The following ADAMTS12 variants were observed in gnomAD, a reference collection of about 807,000 sequenced individuals.
ADAMTS12 encodes the protein ADAM metallopeptidase with thrombospondin type 1 motif 12, also known as A disintegrin and metalloproteinase with thrombospondin motifs 12.
ADAMTS12 carries 118 observed loss-of-function variants against 167.8 expected under a neutral mutation model. The ratio of observed to expected loss-of-function variants is 0.70; its 90% CI spans 0.61 to 0.82. ADAMTS12 has a LOEUF of 0.82. Among genes scored for constraint, ADAMTS12 ranks in the 40% least tolerant of loss-of-function variants. The pLI is 0.00. For missense variants in ADAMTS12, 1,916 were observed against 1,998.8 expected (o/e 0.96, Z 0.79); for synonymous variants, 704 against 716.9 (o/e 0.98, Z 0.29).
chr5:33,792,724 T>C (rs1746624164), intron 2 of ADAMTS12, among the ~76,000 whole-genome samples: 2 of 152,198 alleles, frequency 1.3e-5, no homozygotes, highest in Non-Finnish European at 2.9e-5. Context: ...AAGAAGATAG[T>C]ATCCTTGAAA....
At chr5:33,555,048 C>A (rs1745427292) in intron 20 of ADAMTS12, among the ~76,000 whole-genome samples, 1 of 152,196 alleles carries the variant, frequency 6.6e-6, no homozygotes, top group Non-Finnish European at 1.5e-5. Context: ...GGGCAATGTT[C>A]ATTCTAACTG....
At chr5:33,747,410 T>C (rs1165246901) in intron 3 of ADAMTS12, among the ~76,000 whole-genome samples, 1 of 151,878 alleles carries the variant, frequency 6.6e-6, no homozygotes, top group Non-Finnish European at 1.5e-5. Context: ...AAAGTGAGAA[T>C]GCCAAGTACT....
intron 19 of ADAMTS12, among the ~76,000 whole-genome samples, chr5:33,575,120 T>C (rs528425558): frequency 6.6e-6 from 1 of 152,340 alleles, no homozygotes; most frequent in African/African-American, 2.4e-5. Flanking sequence ...GCTTATTTTC[T>C]TCTTCCTCTA....
At chr5:33,643,242 C>A in intron 10 of ADAMTS12, 136 bp downstream of exon 10, 2 of 803,928 alleles carry the variant, frequency 2.5e-6, no homozygotes, top group Non-Finnish European at 2.0e-6. Flanking sequence ...GTGATCTCCT[C>A]TGGCTGGTCT....
chr5:33,669,710 A>G (rs1396439033), intron 5 of ADAMTS12, among the ~76,000 whole-genome samples: 1 of 152,130 alleles, frequency 6.6e-6, no homozygotes, highest in African/African-American at 2.4e-5. Flanking sequence ...ATTTAAATCC[A>G]GATAATAAAG....
At chr5:33,747,518 A>C (rs1011584661) in intron 3 of ADAMTS12, among the ~76,000 whole-genome samples, 1 of 152,176 alleles carries the variant, frequency 6.6e-6, no homozygotes, top group Admixed American at 6.5e-5. Flanking sequence ...ATTGGTTACT[A>C]ATTTCATTCC....
chr5:33,581,028 G>C (rs1405587528), intron 18 of ADAMTS12, among the ~76,000 whole-genome samples: 2 of 152,186 alleles, frequency 1.3e-5, no homozygotes, highest in Non-Finnish European at 2.9e-5. Flanking sequence ...AGTATTAGCT[G>C]TCTACCAAGC....
intron 5 of ADAMTS12, among the ~76,000 whole-genome samples, chr5:33,681,176 C>T (rs28734991): frequency 0.053 from 8,031 of 152,218 alleles, 441 homozygotes; most frequent in East Asian, 0.17. Flanking sequence ...TATTCCAAGA[C>T]ACCCAAAGTA....
intron 2 of ADAMTS12, among the ~76,000 whole-genome samples, chr5:33,822,346 G>C (rs1032797855): frequency 6.6e-6 from 1 of 152,156 alleles, no homozygotes; most frequent in African/African-American, 2.4e-5. Flanking sequence ...TGGACACAGA[G>C]CATGCAAGCA....
At chr5:33,654,874 T>TTGTGTGTGTG (rs34219097) in intron 7 of ADAMTS12, among the ~76,000 whole-genome samples, 4,984 of 141,568 alleles carry the variant, frequency 0.035, 210 homozygotes, top group South Asian at 0.21. Flanking sequence ...GTGGGTGATT[T>TTGTGTGTGTG]TGTGTGTGTG....
intron 2 of ADAMTS12, among the ~76,000 whole-genome samples, chr5:33,855,011 G>A (rs546484856): frequency 2.0e-4 from 31 of 152,290 alleles, no homozygotes; most frequent in African/African-American, 6.3e-4. Flanking sequence ...ACAAAGTTCC[G>A]GATCAGGAAA....
intron 21 of ADAMTS12, among the ~76,000 whole-genome samples, chr5:33,548,702 G>GCACACACACACACA (rs55980424): frequency 1.6e-4 from 24 of 148,868 alleles, no homozygotes; most frequent in Middle Eastern, 3.2e-3. Flanking sequence ...CATAAAGAGA[G>GCACACACACACACA]CACACACACA....
At chr5:33,860,634 C>G (rs193176380) in intron 2 of ADAMTS12, among the ~76,000 whole-genome samples, 110 of 152,242 alleles carry the variant, frequency 7.2e-4, no homozygotes, top group African/African-American at 2.5e-3. Context: ...GCAACACAGG[C>G]CAACATTCAA....
intron 17 of ADAMTS12, among the ~76,000 whole-genome samples, chr5:33,592,391 G>A (rs554439081): frequency 6.6e-6 from 1 of 152,280 alleles, no homozygotes; most frequent in African/African-American, 2.4e-5. Flanking sequence ...AGCTGCCAGA[G>A]TTTAAAAAAA....
At chr5:33,681,026 A>G (rs1168566253) in intron 5 of ADAMTS12, among the ~76,000 whole-genome samples, 1 of 152,184 alleles carries the variant, frequency 6.6e-6, no homozygotes, top group Non-Finnish European at 1.5e-5. Context: ...ATGGTAAACA[A>G]GCAGTTACAT....
In ADAMTS12 at chr5:33,629,400, T is replaced by C. The variant is rs1739812983; in HGVS notation, c.2022+1380A>G. Among the ~76,000 whole-genome samples the C allele has an allele frequency of 2.6e-5, 4 of 152,336 alleles. No homozygotes were observed. The South Asian group carries it at 8.3e-4, about 32-fold the overall frequency. On this transcript the variant is annotated intron_variant, in intron 13 of 23. Transcript: ENST00000504830. ...TTTAAAAAACAAAATTTGTTGAGTT[T>C]ACAAATCTGTTTTCTAAGAGTTCAT...
At chr5:33,593,550 T>G (rs1047378685) in intron 17 of ADAMTS12, among the ~76,000 whole-genome samples, 1 of 152,178 alleles carries the variant, frequency 6.6e-6, no homozygotes, top group Non-Finnish European at 1.5e-5. Flanking sequence ...AGTGCATTCT[T>G]AAAAAGTGCT....
intron 3 of ADAMTS12, among the ~76,000 whole-genome samples, chr5:33,694,140 C>T (rs1742659830): frequency 6.6e-6 from 1 of 152,106 alleles, no homozygotes; most frequent in Non-Finnish European, 1.5e-5. Context: ...AAATACTGCT[C>T]AAAGAAATCA....
At chr5:33,693,862 G>A (rs1325783123) in intron 3 of ADAMTS12, among the ~76,000 whole-genome samples, 3 of 152,118 alleles carry the variant, frequency 2.0e-5, no homozygotes, top group Non-Finnish European at 4.4e-5. Flanking sequence ...CAAATAAGAA[G>A]AGAGGAAGTC....
Sources: gnomAD v4.1 joint callset for allele counts (sites outside exome capture counted in the v4.1 genomes callset) on GRCh38, gnomAD v4.1.1 for gene constraint, MANE v1.5 for transcripts, NCBI Gene and HGNC (gene_info 2026-07-23, HGNC 2026-07-21) for gene names.